PKHD1: variants seen among roughly 807,000 people sequenced by gnomAD.
PKHD1 encodes PKHD1 ciliary IPT domain containing fibrocystin/polyductin, also known as fibrocystin.
In PKHD1, 291 loss-of-function variants were observed where a neutral mutation model predicts 412.0. The observed-to-expected ratio is 0.71, with a 90% CI of 0.64 to 0.78. The LOEUF is 0.78. Ranked by LOEUF, PKHD1 falls within the 30% of genes least tolerant of loss-of-function variation. PKHD1 has a pLI of 0.00. For synonymous variants in PKHD1, 1,777 were observed against 1,821.5 expected, an observed-to-expected ratio of 0.98 and a Z score of 0.62; for missense variants, 4,825 against 4,950.7, an observed-to-expected ratio of 0.97 and a Z score of 0.76.
chr6:51,976,330 CA>C (rs1269024759), intron 35 of PKHD1, among the ~76,000 whole-genome samples: 2 of 152,178 alleles, frequency 1.3e-5, no homozygotes, highest in Non-Finnish European at 2.9e-5. Context: ...GAAATTCTGA[CA>C]AATGACACAG....
intron 23 of PKHD1, among the ~76,000 whole-genome samples, chr6:52,047,184 T>G (rs1009075456): frequency 1.3e-5 from 2 of 152,204 alleles, no homozygotes; most frequent in African/African-American, 4.8e-5. Flanking sequence ...TCTCTACGGA[T>G]GAGCTGTCTT....
intron 27 of PKHD1, among the ~76,000 whole-genome samples, chr6:52,036,024 C>G (rs1803893267): frequency 6.6e-6 from 1 of 152,078 alleles, no homozygotes; most frequent in Admixed American, 6.6e-5. Context: ...TCTTCCTGGC[C>G]TAGATTTTGA....
At chr6:51,622,471 C>T (rs1266671332) in intron 66 of PKHD1, 1 of 152,148 alleles carries the variant, frequency 6.6e-6, no homozygotes, top group East Asian at 1.9e-4. Context: ...CAACCAACAA[C>T]AAGAATCAAC....
At chr6:51,722,102 C>G (rs772584884) in intron 60 of PKHD1, 24 of 1,608,824 alleles carry the variant, frequency 1.5e-5, no homozygotes, top group Non-Finnish European at 2.0e-5. Flanking sequence ...TCTCGGCATG[C>G]TTTCCACATT....
intron 43 of PKHD1, among the ~76,000 whole-genome samples, chr6:51,900,134 C>T (rs1180707201): frequency 1.3e-5 from 2 of 152,112 alleles, no homozygotes; most frequent in African/African-American, 4.8e-5. Flanking sequence ...ATCAAGCTAC[C>T]AAGGACTTTC....
In PKHD1 at chr6:51,744,476, C is replaced by T. The variant is rs769691238; in HGVS notation, c.10065G>A (p.Lys3355=). Residue 3355 remains lysine (K), a synonymous_variant, in exon 60 of 67, where the codon AAG becomes AAA. Coordinates refer to ENST00000371117, the MANE Select transcript of PKHD1 (RefSeq NM_138694.4). ...GACCCAGGGCTCTCCCATCCAGATC[C>T]TTGAAGAGATATTTTCTTGGACTTG... ...DCASPRKYLF[K]DLDGRALGLP... is the part of the protein sequence containing the mutation. The T allele has an allele frequency of 6.2e-6, 10 of 1,612,946 alleles. No individual in the cohort carries two copies. The East Asian group carries it at 2.2e-4, about 36-fold the overall frequency.
intron 60 of PKHD1, among the ~76,000 whole-genome samples, chr6:51,688,291 G>GTTCTT (rs1311649775): frequency 1.3e-5 from 2 of 152,146 alleles, no homozygotes; most frequent in Admixed American, 1.3e-4. Context: ...TTGGACTTGG[G>GTTCTT]TTCTACTAGC....
intron 4 of PKHD1, among the ~76,000 whole-genome samples, chr6:52,080,658 T>C (rs1339739633): frequency 2.6e-5 from 4 of 152,222 alleles, no homozygotes; most frequent in African/African-American, 9.6e-5. Context: ...ATCTGAATTG[T>C]CCATTGTGTT....
chr6:52,055,594 T>G lies in PKHD1; in HGVS notation c.1829A>C (p.Tyr610Ser). 1 of 1,613,988 alleles carries G rather than the reference T, an allele frequency of 6.2e-7. No individual in the cohort carries two copies. Among genetic ancestry groups the G allele is most frequent in the Middle Eastern group, 1.7e-4 (1 of 6,060 alleles). Residue 610 changes from tyrosine (Y) to serine (S), a missense_variant, in exon 19 of 67, where the codon TAT becomes TCT. Physicochemically the swap from Tyr to Ser is moderately radical, Grantham distance 144 (BLOSUM62 -2). Transcript: ENST00000371117. ...ACAAAGACTGCTACTCACGTGTGTA[T>G]ACTGATCTAGCCGATAGCCCTTCTG... ...AAQKGYRLDQ[Y>S]THLCLAYKGH...
intron 60 of PKHD1, among the ~76,000 whole-genome samples, chr6:51,665,561 A>T (rs964255190): frequency 6.6e-6 from 1 of 152,152 alleles, no homozygotes; most frequent in Non-Finnish European, 1.5e-5. Flanking sequence ...ATTCTGTACA[A>T]ATGAAATGCC....
intron 37 of PKHD1, among the ~76,000 whole-genome samples, chr6:51,912,925 T>C (rs1305801170): frequency 6.6e-6 from 1 of 152,064 alleles, no homozygotes; most frequent in Non-Finnish European, 1.5e-5. Flanking sequence ...ACTTGATGAA[T>C]GGGCTTCAGT....
At chr6:51,818,209 T>C (rs760906406) in intron 52 of PKHD1, among the ~76,000 whole-genome samples, 17 of 152,162 alleles carry the variant, frequency 1.1e-4, no homozygotes, top group Non-Finnish European at 2.2e-4. Context: ...CTGGCCTGGA[T>C]AATGCAGCCA....
At chr6:51,656,238 G>A (rs1314954608) in intron 61 of PKHD1, among the ~76,000 whole-genome samples, 1 of 152,094 alleles carries the variant, frequency 6.6e-6, no homozygotes, top group Non-Finnish European at 1.5e-5. Context: ...AACTAACACA[G>A]GAACAGAAAA....
rs541711082 is a variant in PKHD1, at chr6:51,896,006, C to T, written c.6996+7591G>A. ...ACAAGATTATATCCCGCACCTGGCT[C>T]GGAGGGTCCTATGCCCACGGAGTCT... On this transcript the variant is annotated intron_variant, in intron 43 of 66. Transcript: ENST00000371117. 1.7e-3 allele frequency among the ~76,000 whole-genome samples: 253 copies of T among 151,774 alleles called. 3 individuals are homozygous for T. Among genetic ancestry groups the T allele is most frequent in the Non-Finnish European group, 1.8e-3 (123 of 67,902 alleles).
At chr6:51,647,287 A>T (rs1470347510) in intron 63 of PKHD1, among the ~76,000 whole-genome samples, 1 of 152,158 alleles carries the variant, frequency 6.6e-6, no homozygotes, top group Non-Finnish European at 1.5e-5. Flanking sequence ...GAACTCAGAA[A>T]CTATTTTTCC....
rs201773743 is a variant in PKHD1 at position 52,072,129 on chromosome 6, C to T, written c.588G>A (p.Arg196=). 30 of 1,603,976 alleles carry T rather than the reference C, an allele frequency of 1.9e-5. 1 individual carries two copies. In the Admixed American group the frequency reaches 3.7e-4, roughly 20 times the overall value. Reference sequence around the variant, plus strand: ...AAGACACTCACCAGCTTCCCATCTGCCTATTTATAAGAGAGCAAGGAGTAA... The same window carrying T: ...AAGACACTCACCAGCTTCCCATCTGTCTATTTATAAGAGAGCAAGGAGTAA... ...KWVTPCSLIN[R]QMGSCYPIQE... is the part of the protein sequence containing the mutation. Residue 196 remains arginine (R), a synonymous_variant, in exon 8 of 67, where the codon AGG becomes AGA. Coordinates refer to ENST00000371117, the MANE Select transcript of PKHD1 (RefSeq NM_138694.4).
At chr6:51,815,949 A>G (rs927227819) in intron 52 of PKHD1, among the ~76,000 whole-genome samples, 2 of 152,208 alleles carry the variant, frequency 1.3e-5, no homozygotes, top group African/African-American at 2.4e-5. Context: ...ATGATCATGT[A>G]TAGCATATAT....
rs943531478 is a variant in PKHD1 at position 52,025,136 on chromosome 6, C to T, written c.4674G>A (p.Gly1558=). ...HYLSVFYTRN[G]YACSGNVSRH... is the part of the protein sequence containing the mutation. The stretch of plus-strand genomic sequence containing the variant: ...TGGAAACATTACCAGAACAAGCATA[C>T]CCATTTCTTGTATAAAAAACTGACA... The change falls in exon 32 of 67, where the codon GGG becomes GGA. Residue 1558 remains glycine, a synonymous_variant. Coordinates refer to ENST00000371117, the MANE Select transcript of PKHD1 (RefSeq NM_138694.4). 6.2e-7 allele frequency: 1 copy of T among 1,614,002 alleles called. No individual in the cohort carries two copies. Among genetic ancestry groups the T allele is most frequent in the Admixed American group, 1.7e-5 (1 of 60,030 alleles).
At chr6:52,069,722 A>G (rs1454306049) in intron 10 of PKHD1, among the ~76,000 whole-genome samples, 195 bp from the exon 11 acceptor site, 1 of 152,200 alleles carries the variant, frequency 6.6e-6, no homozygotes, top group Non-Finnish European at 1.5e-5. Flanking sequence ...AAATTATCAT[A>G]TGGGAATAAT....
Sources: gnomAD v4.1 joint callset for allele counts (sites outside exome capture counted in the v4.1 genomes callset) on GRCh38, gnomAD v4.1.1 for gene constraint, MANE v1.5 for transcripts, NCBI Gene and HGNC (gene_info 2026-07-23, HGNC 2026-07-21) for gene names.